The following PTCHD1 variants were observed in gnomAD, a reference collection of about 807,000 sequenced individuals.
The protein encoded by PTCHD1 is patched domain-containing protein 1.
A neutral mutation model predicts 34.6 loss-of-function variants in PTCHD1; 3 were observed. The ratio of observed to expected loss-of-function variants is 0.09; its 90% CI spans 0.04 to 0.22. PTCHD1 has a LOEUF of 0.22. Among genes scored for constraint, PTCHD1 ranks in the 10% least tolerant of loss-of-function variants. The pLI, the probability that PTCHD1 is intolerant of heterozygous loss-of-function variation, is 1.00. For missense variants in PTCHD1, 504 were observed against 685.5 expected (o/e 0.74, Z 2.96); for synonymous variants, 305 against 283.1 (o/e 1.08, Z -0.77).
chrX:23,369,263 G>T (rs975346758), intron 1 of PTCHD1, among the ~76,000 whole-genome samples: 1 of 111,184 alleles, frequency 9.0e-6, no homozygotes, highest in Admixed American at 9.5e-5. Context: ...TTTAGTACTG[G>T]TCGGAGTTTT....
chrX:23,400,809 C>T lies in PTCHD1; in HGVS notation c.*6624C>T, dbSNP rs1923097591. The T allele has an allele frequency of 9.0e-6, 1 of 111,336 alleles. No homozygotes were observed. Among genetic ancestry groups the T allele is most frequent in the African/African-American group, 3.3e-5 (1 of 30,563 alleles). 9.2% of individuals were successfully genotyped at this position (111,336 alleles called of 1,213,427 possible). ...TTGAGATGGAGGAATATTAGCTCAA[C>T]TTTGTAGCATCTGATGTAAAGTTTG... On this transcript the variant is annotated 3_prime_UTR_variant, in exon 3 of 3. Coordinates refer to ENST00000379361, the MANE Select transcript of PTCHD1 (RefSeq NM_173495.3).
intron 1 of PTCHD1, among the ~76,000 whole-genome samples, chrX:23,361,408 C>A (rs1921979668): frequency 9.0e-6 from 1 of 111,454 alleles, no homozygotes; most frequent in Non-Finnish European, 1.9e-5. Context: ...ATGTAATGGC[C>A]TTCTTTGTCT....
intron 1 of PTCHD1, among the ~76,000 whole-genome samples, chrX:23,347,036 T>C (rs1484249123): frequency 1.8e-5 from 2 of 111,936 alleles, no homozygotes; most frequent in Non-Finnish European, 3.8e-5. Context: ...TAACAAATGC[T>C]TACTCTCCAG....
chrX:23,368,125 TA>T (rs397896949), intron 1 of PTCHD1, among the ~76,000 whole-genome samples: 3,593 of 93,081 alleles, frequency 0.039, 128 homozygotes, highest in East Asian at 0.12. Context: ...CTTCTGTATT[TA>T]AAAAAAAAAA....
intron 1 of PTCHD1, among the ~76,000 whole-genome samples, chrX:23,365,467 G>T (rs912978987): frequency 1.8e-5 from 2 of 110,589 alleles, no homozygotes; most frequent in African/African-American, 6.6e-5. Flanking sequence ...TTACTTGGGA[G>T]GTGTAGGGCA....
upstream of PTCHD1, chrX:23,334,807 C>T (rs993002621): frequency 1.1e-3 from 734 of 686,445 alleles, 8 homozygotes; most frequent in African/African-American, 0.017. Flanking sequence ...GCCGCCGCCG[C>T]CGCCGCCGCC....
intron 1 of PTCHD1, among the ~76,000 whole-genome samples, chrX:23,379,195 C>A (rs1417919314): frequency 2.7e-5 from 3 of 112,259 alleles, no homozygotes; most frequent in Non-Finnish European, 5.6e-5. Context: ...ACAGTATAGA[C>A]CAATTGGGTC....
upstream of PTCHD1, chrX:23,334,411 T>A (rs1921086713): frequency 9.0e-6 from 1 of 110,851 alleles, no homozygotes; most frequent in African/African-American, 3.3e-5. Flanking sequence ...CTCCTGGCGA[T>A]AGCGCCGTCG....
At chrX:23,349,103 G>C (rs746713094) in intron 1 of PTCHD1, among the ~76,000 whole-genome samples, 1 of 111,402 alleles carries the variant, frequency 9.0e-6, no homozygotes, top group Non-Finnish European at 1.9e-5. Flanking sequence ...GTATAAATGT[G>C]TATTGTAAGT....
At chrX:23,342,310 A>ATATATTTTTTTTTTTT (rs1921357058) in intron 1 of PTCHD1, among the ~76,000 whole-genome samples, 1 of 12,947 alleles carries the variant, frequency 7.7e-5, no homozygotes, top group African/African-American at 7.0e-4. Flanking sequence ...ATATATATAT[A>ATATATTTTTTTTTTTT]TTTTTTTTTT....
intron 1 of PTCHD1, among the ~76,000 whole-genome samples, chrX:23,357,710 G>A (rs1282459528): frequency 9.0e-6 from 1 of 111,248 alleles, no homozygotes; most frequent in Non-Finnish European, 1.9e-5. Context: ...TGCACAACGT[G>A]CAGGCTAGTT....
At chrX:23,378,406 G>A (rs985906633) in intron 1 of PTCHD1, among the ~76,000 whole-genome samples, 1 of 111,964 alleles carries the variant, frequency 8.9e-6, no homozygotes, top group Non-Finnish European at 1.9e-5. Context: ...CACACCCCTC[G>A]ACTACCTTGT....
rs1007299184 is a variant in PTCHD1, at chrX:23,394,246, T to C, written c.*61T>C. The C allele has an allele frequency of 6.6e-6, 5 of 758,186 alleles. No individual in the cohort carries two copies. Among genetic ancestry groups the C allele is most frequent in the Non-Finnish European group, 9.5e-6 (5 of 526,580 alleles). The allele number at this position is 758,186 out of a possible 1,213,427, so 62.5% of individuals were successfully genotyped here. A position where few individuals can be genotyped will look rare whatever the true frequency, so the allele number is the denominator to read the frequency against. On this transcript the variant is annotated 3_prime_UTR_variant, in exon 3 of 3. Transcript: ENST00000379361. Reference sequence around the variant, plus strand: ...ATCAAGACCAAAGAGATTATGTTAATGAAACAATTAAATTCAAAGTTCTTC... The same window carrying C: ...ATCAAGACCAAAGAGATTATGTTAACGAAACAATTAAATTCAAAGTTCTTC...
intron 1 of PTCHD1, among the ~76,000 whole-genome samples, chrX:23,367,225 T>C (rs780627725): frequency 6.8e-4 from 76 of 112,089 alleles, no homozygotes; most frequent in Non-Finnish European, 1.3e-3. Context: ...AAATGCATCA[T>C]TGCTATAATT....
rs1443868560 is a variant in PTCHD1, at chrX:23,379,743, G to A, written c.504G>A (p.Arg168=). Residue 168 remains arginine, a synonymous_variant, in exon 2 of 3, where the codon CGG becomes CGA. Coordinates refer to ENST00000379361, the MANE Select transcript of PTCHD1 (RefSeq NM_173495.3). ...EELKNARATN[R]TNFAITYPIT... is the part of the protein sequence containing the mutation. ...TAAAGAATGCTCGGGCCACCAATCGGACCAATTTTGCTATCACATACCCAA... is the reference window on the plus strand; with the variant it reads ...TAAAGAATGCTCGGGCCACCAATCGAACCAATTTTGCTATCACATACCCAA... 8.3e-7 allele frequency: 1 copy of A among 1,208,981 alleles called. No homozygotes were observed. The highest frequency in any genetic ancestry group is 2.2e-5 in the Admixed American group (1 of 45,608).
chrX:23,348,313 A>G (rs1163413740), intron 1 of PTCHD1, among the ~76,000 whole-genome samples: 3 of 110,758 alleles, frequency 2.7e-5, no homozygotes, highest in Non-Finnish European at 5.7e-5. Flanking sequence ...ATTGTGAGAC[A>G]GGGTTATCAA....
At chrX:23,386,104 A>G (rs1356182312) in intron 2 of PTCHD1, among the ~76,000 whole-genome samples, 2 of 111,489 alleles carry the variant, frequency 1.8e-5, no homozygotes, top group East Asian at 2.8e-4. Flanking sequence ...ATATATACAT[A>G]TGTTTATATA....
rs190675789 is a variant in PTCHD1 at position 23,336,231 on chromosome X, G to A, written c.351+1005G>A. 8.3e-3 allele frequency among the ~76,000 whole-genome samples: 927 copies of A among 111,828 alleles called. 6 individuals carry two copies. Among genetic ancestry groups the A allele is most frequent in the Non-Finnish European group, 0.014 (721 of 53,140 alleles). On this transcript the variant is annotated intron_variant, in intron 1 of 2. Transcript: ENST00000379361. ...AGATGGAAAAGTGGAGACCTCGGGA[G>A]AGAAAAGTAAAAATAGGTGAGAATG...
chrX:23,404,218 C>T lies in PTCHD1; in HGVS notation c.*10033C>T, dbSNP rs1305950918. 2 of 112,015 alleles carry T rather than the reference C, an allele frequency of 1.8e-5. No individual in the cohort carries two copies. Among genetic ancestry groups the T allele is most frequent in the African/African-American group, 6.5e-5 (2 of 30,805 alleles). The allele number at this position is 112,015 out of a possible 1,213,427, so 9.2% of individuals were successfully genotyped here. A position where few individuals can be genotyped will look rare whatever the true frequency, so the allele number is the denominator to read the frequency against. On this transcript the variant is annotated 3_prime_UTR_variant, in exon 3 of 3. Transcript: ENST00000379361. ...TGTTTTCAATACTGATATCAAATTT[C>T]GAATGTAAAGGAGATTTCAAATGTA...
Sources: gnomAD v4.1 joint callset for allele counts (sites outside exome capture counted in the v4.1 genomes callset) on GRCh38, gnomAD v4.1.1 for gene constraint, MANE v1.5 for transcripts, NCBI Gene and HGNC (gene_info 2026-07-23, HGNC 2026-07-21) for gene names.